Variants in GAD1 observed in about 807,000 individuals in gnomAD.
GAD1 encodes the protein 67 kDa glutamic acid decarboxylase.
In GAD1, 35 loss-of-function variants were observed where a neutral mutation model predicts 75.2. The ratio of observed to expected loss-of-function variants is 0.47; its 90% CI spans 0.36 to 0.62. The LOEUF (loss-of-function observed/expected upper bound fraction) is 0.62. Ranked by LOEUF, GAD1 falls within the 20% of genes least tolerant of loss-of-function variation. The probability of loss-of-function intolerance (pLI) is 0.00; values close to 1 mark genes in which losing one functional copy is unlikely to be tolerated. For synonymous variants in GAD1, 257 were observed against 271.9 expected (o/e 0.95, Z 0.54); for missense variants, 490 against 758.5 (o/e 0.65, Z 4.16).
At chr2:170,837,656 A>G (rs894538702) in intron 6 of GAD1, among the ~76,000 whole-genome samples, 1 of 152,266 alleles carries the variant, frequency 6.6e-6, no homozygotes, top group Non-Finnish European at 1.5e-5. Flanking sequence ...ACCAGTATCT[A>G]TACATCCAGA....
At position 170,845,622 on chromosome 2, in the gene GAD1, G is replaced by A. The variant is rs1401194419; in HGVS notation, c.867+1G>A. On this transcript the variant is annotated splice_donor_variant, in intron 8 of 16. Coordinates refer to ENST00000358196, the MANE Select transcript of GAD1 (RefSeq NM_000817.3). LOFTEE classifies it high-confidence loss of function. The stretch of plus-strand genomic sequence containing the variant: ...ACTGGTCCTCTTCACCTCAGAACAG[G>A]TGAGTCGGGGATGCTTTCTCATGGA... The A allele has an allele frequency of 6.2e-7, 1 of 1,613,940 alleles. No individual in the cohort carries two copies. The highest frequency in any genetic ancestry group is 1.7e-5 in the Admixed American group (1 of 60,012).
chr2:170,824,575 C>T (rs533993319), intron 3 of GAD1, among the ~76,000 whole-genome samples: 40 of 152,136 alleles, frequency 2.6e-4, no homozygotes, highest in Non-Finnish European at 5.3e-4. Context: ...TCAGAAGCAC[C>T]CTCAGTGCCT....
upstream of GAD1, chr2:170,816,183 G>A (rs1701693831): frequency 6.6e-6 from 1 of 152,422 alleles, no homozygotes; most frequent in Non-Finnish European, 1.5e-5. Context: ...GGGGGCCAAA[G>A]CGAGGAGCGA....
chr2:170,829,199 T>A (rs1431358780), intron 3 of GAD1: 9 of 483,646 alleles, frequency 1.9e-5, no homozygotes, highest in Non-Finnish European at 3.4e-5. Context: ...CTTACTTAAT[T>A]GTGAGTTCAC....
At chr2:170,856,766 C>T (rs145842803) in intron 14 of GAD1, among the ~76,000 whole-genome samples, 100 of 152,218 alleles carry the variant, frequency 6.6e-4, no homozygotes, top group East Asian at 6.4e-3. Context: ...TAAAGCAAAC[C>T]AGAATCAGGC....
At chr2:170,837,011 G>C (rs1020933597) in intron 6 of GAD1, 128 bp downstream of exon 6, 31 of 691,506 alleles carry the variant, frequency 4.5e-5, no homozygotes, top group Admixed American at 6.9e-5. Flanking sequence ...AAAATCTTTA[G>C]GTTTATCACA....
chr2:170,856,880 T>C, intron 14 of GAD1, 138 bp from the exon 15 acceptor site: 1 of 756,742 alleles, frequency 1.3e-6, no homozygotes, highest in Non-Finnish European at 2.4e-6. Flanking sequence ...AGCTGACATA[T>C]TTGATTAGAT....
upstream of GAD1, chr2:170,816,490 A>G (rs1701700622): frequency 1.3e-5 from 2 of 151,970 alleles, no homozygotes; most frequent in African/African-American, 4.8e-5. Flanking sequence ...CGTCTCCTAC[A>G]ATATATGGGA....
intron 2 of GAD1, 114 bp from the exon 3 acceptor site, chr2:170,821,973 A>G (rs1334650978): frequency 2.2e-6 from 2 of 909,928 alleles, no homozygotes; most frequent in Non-Finnish European, 3.5e-6. Context: ...GTAGCTTTTA[A>G]TGAAGAGCTC....
intron 13 of GAD1, 37 bp downstream of exon 13, chr2:170,852,829 C>A: frequency 6.3e-7 from 1 of 1,578,960 alleles, no homozygotes; most frequent in Non-Finnish European, 8.7e-7. Flanking sequence ...GGGGCCCGTA[C>A]GTTCTTTAGA....
intron 3 of GAD1, among the ~76,000 whole-genome samples, chr2:170,828,502 ATCTCCTCCCTCTGCTGTCCTTG>A (rs1559272251): frequency 1.1e-4 from 3 of 28,352 alleles, no homozygotes; most frequent in Non-Finnish European, 2.0e-4. Context: ...GCTGTCCTTG[ATCTCCTCCCTCTGCTGTCCTTG>A]CTCTCCTCCC....
intron 2 of GAD1, 50 bp from the exon 3 acceptor site, chr2:170,822,037 C>T (rs933822000): frequency 4.7e-6 from 7 of 1,484,330 alleles, no homozygotes; most frequent in Non-Finnish European, 6.5e-6. Flanking sequence ...CCCATTTCCC[C>T]GCGGTCGGAA....
rs1322331530 is a variant in GAD1 at position 170,853,941 on chromosome 2, C to T, written c.1332C>T (p.Val444=). The part of the protein sequence containing the change: ...YLFQPDKQYD[V]SYDTGDKAIQ... ...TCCAGCCAGACAAGCAGTATGATGTCTCCTACGACACCGGGGACAAGGCAA... is the reference window on the plus strand; with the variant it reads ...TCCAGCCAGACAAGCAGTATGATGTTTCCTACGACACCGGGGACAAGGCAA... The change falls in exon 14 of 17, where the codon GTC becomes GTT. Residue 444 remains valine, a synonymous_variant. Transcript: ENST00000358196. The surrounding 1 kb of genome is among the most constrained non-coding windows in gnomAD (Gnocchi z 4.1). 6.2e-7 allele frequency: 1 copy of T among 1,614,104 alleles called. No individual in the cohort carries two copies. The highest frequency in any genetic ancestry group is 1.1e-5 in the South Asian group (1 of 91,068).
intron 12 of GAD1, among the ~76,000 whole-genome samples, chr2:170,849,575 G>A (rs1702707148): frequency 6.6e-6 from 1 of 152,246 alleles, no homozygotes; most frequent in Non-Finnish European, 1.5e-5. Flanking sequence ...CAGGCCAGGT[G>A]TGGTGGCTCA....
intron 14 of GAD1, among the ~76,000 whole-genome samples, chr2:170,854,988 T>C (rs1702822091): frequency 6.6e-6 from 1 of 152,222 alleles, no homozygotes; most frequent in South Asian, 2.1e-4. Context: ...CAAAAATATT[T>C]GTATGCAATC....
Position 170,852,611 on chromosome 2 carries a change from G to T in GAD1, c.1185-103G>T, listed in dbSNP as rs909269959. On this transcript the variant is annotated intron_variant, in intron 12 of 16. Coordinates refer to ENST00000358196, the MANE Select transcript of GAD1 (RefSeq NM_000817.3). ...TAGTCAATTCAGGAGAATAGGCATG[G>T]ATAATATTTACTAACTTGAGTTGGA... 10 of 938,704 alleles carry T rather than the reference G, an allele frequency of 1.1e-5. No individual in the cohort carries two copies. In the African/African-American group the frequency reaches 1.6e-4, roughly 15 times the overall value. The allele number at this position is 938,704 out of a possible 1,614,324, so 58.1% of individuals were successfully genotyped here.
At chr2:170,848,182 C>T (rs760565072) in intron 11 of GAD1, among the ~76,000 whole-genome samples, 2 of 152,142 alleles carry the variant, frequency 1.3e-5, no homozygotes, top group East Asian at 1.9e-4. Context: ...TCAGTCCAGC[C>T]GTCTATGACA....
rs1390683414 is a variant in GAD1 at position 170,853,163 on chromosome 2, TAGTA to T, written c.1263+372_1263+375del. On this transcript the variant is annotated intron_variant, in intron 13 of 16. Transcript: ENST00000358196. The surrounding 1 kb of genome is among the most constrained non-coding windows in gnomAD (Gnocchi z 4.1). Reference sequence around the variant, plus strand: ...CTCACTGGAGCATACTCGGAGTTCTTAGTATAAACGTGTGGTCCCAAGAACTGAA... The same window carrying T: ...CTCACTGGAGCATACTCGGAGTTCTTTAAACGTGTGGTCCCAAGAACTGAA... The T allele has an allele frequency of 9.3e-6, 3 of 322,704 alleles. No individual in the cohort carries two copies. The highest frequency in any genetic ancestry group is 1.8e-5 in the Non-Finnish European group (3 of 167,842). The allele number at this position is 322,704 out of a possible 1,614,324, so 20.0% of individuals were successfully genotyped here.
At chr2:170,824,929 C>CGTGTGTGTGTGTGTGT (rs56938472) in intron 3 of GAD1, among the ~76,000 whole-genome samples, 6 of 149,894 alleles carry the variant, frequency 4.0e-5, no homozygotes, top group African/African-American at 1.2e-4. Flanking sequence ...AGCCTACACT[C>CGTGTGTGTGTGTGTGT]GTGTGTGTGT....
Sources: gnomAD v4.1 joint callset for allele counts (sites outside exome capture counted in the v4.1 genomes callset) on GRCh38, gnomAD v4.1.1 for gene constraint, Gnocchi (gnomAD v3.1) non-coding constraint, MANE v1.5 for transcripts, NCBI Gene and HGNC (gene_info 2026-07-23, HGNC 2026-07-21) for gene names.